The following AGBL1 variants were observed in gnomAD, a reference collection of about 807,000 sequenced individuals.
The protein encoded by AGBL1 is AGBL carboxypeptidase 1.
Under a neutral mutation model 118.9 loss-of-function variants are expected in AGBL1, and 130 were observed. The observed-to-expected ratio is 1.09, with a 90% CI of 0.95 to 1.26. The LOEUF (loss-of-function observed/expected upper bound fraction) is 1.26. Ranked by LOEUF, AGBL1 falls within the 50% of genes most tolerant of loss-of-function variation. The pLI is 0.00. For synonymous variants in AGBL1, 555 were observed against 478.9 expected (o/e 1.16, Z -2.08); for missense variants, 1,584 against 1,298.1 (o/e 1.22, Z -3.38).
intron 17 of AGBL1, among the ~76,000 whole-genome samples, chr15:86,365,296 T>C (rs961660782): frequency 2.6e-5 from 4 of 152,100 alleles, no homozygotes; most frequent in African/African-American, 7.2e-5. Context: ...TTCAAGTCCA[T>C]GTGTAGTAGT....
intron 5 of AGBL1, among the ~76,000 whole-genome samples, chr15:86,214,541 T>G (rs78782419): frequency 6.6e-6 from 1 of 152,362 alleles, no homozygotes; most frequent in Non-Finnish European, 1.5e-5. Context: ...GGGTAATGTT[T>G]GCCTTAAGTG....
chr15:86,617,441 A>G (rs1596312349), intron 21 of AGBL1, among the ~76,000 whole-genome samples: 2 of 152,126 alleles, frequency 1.3e-5, no homozygotes, highest in Non-Finnish European at 2.9e-5. Flanking sequence ...TAAAAATATA[A>G]AACTCTCTAG....
At chr15:86,682,547 C>T (rs1273978830) in intron 22 of AGBL1, among the ~76,000 whole-genome samples, 1 of 151,756 alleles carries the variant, frequency 6.6e-6, no homozygotes, top group Non-Finnish European at 1.5e-5. Context: ...GTAAAAAGGC[C>T]CATAAAAATC....
intron 22 of AGBL1, among the ~76,000 whole-genome samples, chr15:86,814,391 G>T (rs1567186542): frequency 6.6e-6 from 1 of 152,164 alleles, no homozygotes; most frequent in African/African-American, 2.4e-5. Context: ...AAAGGTTGGG[G>T]ACTGCTCTTT....
Position 86,697,503 on chromosome 15 carries a change from A to AT in AGBL1, c.3158+23080dup, listed in dbSNP as rs55678017. Among the ~76,000 whole-genome samples the AT allele has an allele frequency of 5.9e-3, 857 of 144,676 alleles. 4 individuals are homozygous for AT. Among genetic ancestry groups the AT allele is most frequent in the African/African-American group, 0.02 (785 of 39,442 alleles). The allele number at this position is 144,676 out of a possible 152,430, so 94.9% of individuals were successfully genotyped here. A position where few individuals can be genotyped will look rare whatever the true frequency, so the allele number is the denominator to read the frequency against. ...GATTTCTTCCCTCACATCTTGTATCATTTTTTTTTTTTTAATTTTCTTAAG... is the reference window on the plus strand; with the variant it reads ...GATTTCTTCCCTCACATCTTGTATCATTTTTTTTTTTTTTAATTTTCTTAAG... On this transcript the variant is annotated intron_variant, in intron 22 of 22. Coordinates refer to ENST00000614907, the MANE Select transcript of AGBL1 (RefSeq NM_001386094.1).
intron 18 of AGBL1, among the ~76,000 whole-genome samples, chr15:86,452,182 A>G (rs145783016): frequency 1.3e-5 from 2 of 152,120 alleles, no homozygotes; most frequent in Non-Finnish European, 2.9e-5. Flanking sequence ...CCTGTTCCCC[A>G]TTATAGGCAT....
rs574669520 is a variant in AGBL1 at position 86,789,000 on chromosome 15, A to G, written c.3158+114564A>G. ...GTTTCAGGTTAAAGGCAAGCTTTGC[A>G]GAGTAGATCACACTGCAAAATCTGG... On this transcript the variant is annotated intron_variant, in intron 22 of 22. Transcript: ENST00000614907. Among the ~76,000 whole-genome samples the G allele has an allele frequency of 2.0e-5, 3 of 152,364 alleles. No individual in the cohort carries two copies. In the East Asian group the frequency reaches 5.8e-4, roughly 29 times the overall value.
chr15:86,237,243 G>A (rs1033222080), intron 6 of AGBL1, among the ~76,000 whole-genome samples: 2 of 152,188 alleles, frequency 1.3e-5, no homozygotes, highest in African/African-American at 4.8e-5. Flanking sequence ...AGGCTGAAGG[G>A]TGGCAGGCTC....
At chr15:86,562,065 G>A (rs1360874221) in intron 21 of AGBL1, among the ~76,000 whole-genome samples, 3 of 152,142 alleles carry the variant, frequency 2.0e-5, no homozygotes, top group Non-Finnish European at 4.4e-5. Context: ...CTGAAACGAT[G>A]GGGTTTTCTA....
chr15:86,827,945 T>TTTTTTTTTTTTTTTTTTTTG (rs2079053672), intron 22 of AGBL1, among the ~76,000 whole-genome samples: 1 of 114,092 alleles, frequency 8.8e-6, no homozygotes, highest in Non-Finnish European at 1.9e-5. Flanking sequence ...GGGCTTTTTT[T>TTTTTTTTTTTTTTTTTTTTG]TTTTTTTTTT....
At chr15:86,442,425 A>G (rs1338912119) in intron 18 of AGBL1, among the ~76,000 whole-genome samples, 2 of 152,204 alleles carry the variant, frequency 1.3e-5, no homozygotes, top group Non-Finnish European at 2.9e-5. Context: ...TTTGTAAGTG[A>G]ATATAATCAT....
chr15:86,087,064 A>G (rs1567045250), intron 1 of AGBL1, among the ~76,000 whole-genome samples: 1 of 152,210 alleles, frequency 6.6e-6, no homozygotes, highest in Non-Finnish European at 1.5e-5. Context: ...TAGCTCCAAA[A>G]CAAATATCTA....
intron 18 of AGBL1, among the ~76,000 whole-genome samples, chr15:86,418,706 G>T (rs1043113911): frequency 6.6e-6 from 1 of 152,170 alleles, no homozygotes; most frequent in Non-Finnish European, 1.5e-5. Flanking sequence ...GAGTGAAGAG[G>T]AGACCCCAGC....
chr15:86,624,847 C>T, intron 21 of AGBL1, among the ~76,000 whole-genome samples: 1 of 152,196 alleles, frequency 6.6e-6, no homozygotes, highest in East Asian at 1.9e-4. Flanking sequence ...CCCTCTCCTG[C>T]CCACATTGCC....
At chr15:86,467,547 G>T (rs1596151156) in intron 18 of AGBL1, among the ~76,000 whole-genome samples, 1 of 152,198 alleles carries the variant, frequency 6.6e-6, no homozygotes, top group Admixed American at 6.5e-5. Context: ...AGCTAGCTCT[G>T]TGTCTGCCCA....
intron 21 of AGBL1, among the ~76,000 whole-genome samples, chr15:86,667,301 G>A (rs982906816): frequency 4.6e-5 from 7 of 151,302 alleles, no homozygotes; most frequent in African/African-American, 1.7e-4. Flanking sequence ...TTGCTGCCCT[G>A]TTTATATATT....
intron 23 of AGBL1, among the ~76,000 whole-genome samples, chr15:86,960,264 T>C (rs953177420): frequency 6.6e-6 from 1 of 152,094 alleles, no homozygotes; most frequent in Non-Finnish European, 1.5e-5. Flanking sequence ...CTAGATCTTA[T>C]ACCCATTCAA....
intron 17 of AGBL1, among the ~76,000 whole-genome samples, chr15:86,332,817 C>G (rs1265517953): frequency 1.3e-5 from 2 of 152,032 alleles, no homozygotes; most frequent in Admixed American, 1.3e-4. Context: ...AAGCAAGTCT[C>G]AATAAATTAA....
intron 1 of AGBL1, among the ~76,000 whole-genome samples, chr15:86,089,850 T>C (rs1042064557): frequency 6.6e-6 from 1 of 152,088 alleles, no homozygotes; most frequent in Admixed American, 6.5e-5. Context: ...AATCCCACTT[T>C]CCCTTTGACT....
Sources: allele counts gnomAD v4.1 joint callset (sites outside exome capture counted in the v4.1 genomes callset), GRCh38; gene constraint gnomAD v4.1.1; transcripts MANE v1.5; gene names NCBI Gene and HGNC (gene_info 2026-07-23, HGNC 2026-07-21).